The following TMEM132B variants were observed in gnomAD, a reference collection of about 807,000 sequenced individuals.
TMEM132B encodes transmembrane protein 132B.
A neutral mutation model predicts 90.8 loss-of-function variants in TMEM132B; 18 were observed. The ratio of observed to expected loss-of-function variants is 0.20; its 90% CI spans 0.14 to 0.29. The LOEUF (loss-of-function observed/expected upper bound fraction) is 0.29. Among genes scored for constraint, TMEM132B ranks in the 10% least tolerant of loss-of-function variants. TMEM132B has a pLI of 1.00. For synonymous variants in TMEM132B, 504 were observed against 523.3 expected (o/e 0.96, Z 0.50); for missense variants, 1,096 against 1,326.8 (o/e 0.83, Z 2.70).
At chr12:125,575,219 G>T (rs1261780310) in intron 4 of TMEM132B, among the ~76,000 whole-genome samples, 7 of 150,596 alleles carry the variant, frequency 4.6e-5, no homozygotes, top group African/African-American at 1.5e-4. Flanking sequence ...ACACATTCTT[G>T]CCAGTCAACA....
At chr12:125,450,261 G>A (rs957362305) in intron 3 of TMEM132B, among the ~76,000 whole-genome samples, 2 of 152,154 alleles carry the variant, frequency 1.3e-5, no homozygotes, top group Non-Finnish European at 2.9e-5. Context: ...TCTGGTCAGA[G>A]TAGATACAAG....
chr12:125,352,603 G>A (rs1252842101), intron 2 of TMEM132B, among the ~76,000 whole-genome samples: 1 of 152,194 alleles, frequency 6.6e-6, no homozygotes. Flanking sequence ...AAAGTTCTTA[G>A]AACAATGCCT....
chr12:125,289,732 A>G (rs532957939), intron 1 of TMEM132B, among the ~76,000 whole-genome samples: 6 of 152,340 alleles, frequency 3.9e-5, no homozygotes, highest in African/African-American at 1.4e-4. Flanking sequence ...GCACAGAGAC[A>G]TCAAGTCACT....
intron 2 of TMEM132B, among the ~76,000 whole-genome samples, chr12:125,384,729 C>T (rs909839339): frequency 6.6e-5 from 10 of 152,170 alleles, no homozygotes; most frequent in Admixed American, 5.9e-4. Context: ...CGGCTCACTG[C>T]AACCTCTGCC....
intron 3 of TMEM132B, among the ~76,000 whole-genome samples, chr12:125,450,816 A>AG (rs1306508301): frequency 6.6e-6 from 1 of 152,216 alleles, no homozygotes; most frequent in Non-Finnish European, 1.5e-5. Context: ...ATCACCAATG[A>AG]GGGGCACATG....
chr12:125,607,513 G>C (rs138979356), intron 5 of TMEM132B, among the ~76,000 whole-genome samples: 2 of 152,176 alleles, frequency 1.3e-5, no homozygotes, highest in African/African-American at 2.4e-5. Flanking sequence ...CCTGAAGTTA[G>C]GGTTTCAGTT....
At chr12:125,425,537 C>T (rs1880293046) in intron 3 of TMEM132B, among the ~76,000 whole-genome samples, 1 of 152,156 alleles carries the variant, frequency 6.6e-6, no homozygotes, top group African/African-American at 2.4e-5. Context: ...GACATTTATG[C>T]ACCATTACAG....
intron 5 of TMEM132B, among the ~76,000 whole-genome samples, chr12:125,593,195 A>G (rs1315590674): frequency 3.9e-5 from 6 of 151,994 alleles, no homozygotes; most frequent in Non-Finnish European, 8.8e-5. Flanking sequence ...GGTAATTTGG[A>G]CTTTTATTGT....
chr12:125,432,419 A>G lies in TMEM132B; in HGVS notation c.1106+16742A>G, dbSNP rs1303044991. ...TATATGTATGTATGTGTATATATAT[A>G]TATGTATGTGTATATATATGTATGT... On this transcript the variant is annotated intron_variant, in intron 3 of 8. Transcript: ENST00000682704. Among the ~76,000 whole-genome samples the G allele has an allele frequency of 3.9e-3, 295 of 74,954 alleles. 1 individual carries two copies. Among genetic ancestry groups the G allele is most frequent in the Non-Finnish European group, 6.3e-3 (228 of 35,942 alleles). The allele number at this position is 74,954 out of a possible 152,430, so 49.2% of individuals were successfully genotyped here.
chr12:125,215,851 T>C (rs534010529), intron 1 of TMEM132B, among the ~76,000 whole-genome samples: 12 of 152,352 alleles, frequency 7.9e-5, no homozygotes, highest in African/African-American at 2.9e-4. Flanking sequence ...CTCTTTCTTA[T>C]AAAGACCCTT....
rs536947153 is a variant in TMEM132B at position 125,321,099 on chromosome 12, A to G, written c.68-28353A>G. On this transcript the variant is annotated intron_variant, in intron 1 of 8. Coordinates refer to ENST00000682704, the MANE Select transcript of TMEM132B (RefSeq NM_001366854.1). ...TTGGTCTTGCCTGTCTAAATCAGAG[A>G]AATTAGGAACTGAGAGTTCTGGAAA... 1.1e-3 allele frequency among the ~76,000 whole-genome samples: 160 copies of G among 152,300 alleles called. 1 individual carries two copies. The highest frequency in any genetic ancestry group is 3.8e-3 in the African/African-American group (156 of 41,558).
chr12:125,243,421 C>T (rs1874135171), intron 1 of TMEM132B, among the ~76,000 whole-genome samples: 1 of 152,092 alleles, frequency 6.6e-6, no homozygotes, highest in East Asian at 1.9e-4. Flanking sequence ...ATTCTCATGC[C>T]TCAGCCTCCT....
chr12:125,189,785 C>T (rs1294253384), intron 1 of TMEM132B, among the ~76,000 whole-genome samples: 1 of 152,116 alleles, frequency 6.6e-6, no homozygotes, highest in Non-Finnish European at 1.5e-5. Context: ...CAAAAGAAAA[C>T]CCTCATTTGT....
intron 4 of TMEM132B, among the ~76,000 whole-genome samples, chr12:125,522,784 C>A (rs1883341307): frequency 6.6e-6 from 1 of 152,248 alleles, no homozygotes; most frequent in Non-Finnish European, 1.5e-5. Flanking sequence ...AGGGCCTCAG[C>A]ATCAGAAAGT....
At chr12:125,647,220 C>T (rs959934531) in intron 6 of TMEM132B, among the ~76,000 whole-genome samples, 1 of 152,002 alleles carries the variant, frequency 6.6e-6, no homozygotes, top group African/African-American at 2.4e-5. Context: ...CTTGTGGGAC[C>T]ATAACAAAAG....
chr12:125,389,518 G>C (rs929025498), intron 2 of TMEM132B, among the ~76,000 whole-genome samples: 2 of 152,058 alleles, frequency 1.3e-5, no homozygotes, highest in African/African-American at 4.8e-5. Flanking sequence ...CTTGTTAGCT[G>C]TGTGATCTTG....
intron 4 of TMEM132B, among the ~76,000 whole-genome samples, chr12:125,563,607 A>AAAAC (rs374367688): frequency 6.7e-4 from 101 of 149,810 alleles, no homozygotes; most frequent in Middle Eastern, 3.4e-3. Flanking sequence ...ACAAAAAAAA[A>AAAAC]CCCCACAGTA....
intron 2 of TMEM132B, among the ~76,000 whole-genome samples, chr12:125,372,920 A>G (rs1878341517): frequency 6.6e-6 from 1 of 152,096 alleles, no homozygotes; most frequent in African/African-American, 2.4e-5. Flanking sequence ...CTTTCCCTGG[A>G]ATGCTCTTCC....
chr12:125,495,177 T>C (rs1592955219), intron 3 of TMEM132B, among the ~76,000 whole-genome samples: 5 of 86,484 alleles, frequency 5.8e-5, no homozygotes, highest in South Asian at 5.2e-4. Context: ...GCGTCCCTCT[T>C]CCCCCTCCTC....
Sources: allele counts gnomAD v4.1 joint callset (sites outside exome capture counted in the v4.1 genomes callset), GRCh38; gene constraint gnomAD v4.1.1; transcripts MANE v1.5; gene names NCBI Gene and HGNC (gene_info 2026-07-23, HGNC 2026-07-21).